The following NIBAN1 variants were observed in gnomAD, a reference collection of about 807,000 sequenced individuals.
NIBAN1 encodes protein Niban 1.
NIBAN1 carries 81 observed loss-of-function variants against 75.1 expected under a neutral mutation model. The ratio of observed to expected loss-of-function variants is 1.08; its 90% CI spans 0.90 to 1.30. The LOEUF is 1.30. Among genes scored for constraint, NIBAN1 ranks in the 50% most tolerant of loss-of-function variants. The pLI is 0.00. For missense variants in NIBAN1, 1,133 were observed against 1,128.1 expected (o/e 1.00, Z -0.06); for synonymous variants, 436 against 424.8 (o/e 1.03, Z -0.32).
chr1:184,869,056 T>C (rs957477397), intron 5 of NIBAN1, among the ~76,000 whole-genome samples: 1 of 152,092 alleles, frequency 6.6e-6, no homozygotes, highest in African/African-American at 2.4e-5. Context: ...ATGTCAGAAA[T>C]GCAAATTCTT....
At chr1:184,803,962 A>G (rs949429573) in intron 11 of NIBAN1, among the ~76,000 whole-genome samples, 1 of 152,224 alleles carries the variant, frequency 6.6e-6, no homozygotes, top group Non-Finnish European at 1.5e-5. Context: ...ATTATAAAGA[A>G]GTTGGGGATA....
chr1:184,877,942 T>C (rs1199779733), intron 5 of NIBAN1, among the ~76,000 whole-genome samples: 3 of 151,956 alleles, frequency 2.0e-5, no homozygotes, highest in Non-Finnish European at 2.9e-5. Context: ...GAACTTTAAC[T>C]CTGCTTATGT....
chr1:184,813,650 T>G (rs1654445002), intron 9 of NIBAN1, among the ~76,000 whole-genome samples: 1 of 152,202 alleles, frequency 6.6e-6, no homozygotes, highest in Non-Finnish European at 1.5e-5. Flanking sequence ...TTTAAGCAAG[T>G]CAGAAAGTCT....
chr1:184,805,861 G>A, intron 11 of NIBAN1, 85 bp downstream of exon 11: 1 of 1,036,392 alleles, frequency 9.6e-7, no homozygotes, highest in East Asian at 2.5e-5. Context: ...GAGCCAAGGA[G>A]AGAACTTGGT....
chr1:184,946,894 A>G (rs901984685), intron 1 of NIBAN1, among the ~76,000 whole-genome samples: 1 of 151,912 alleles, frequency 6.6e-6, no homozygotes, highest in Non-Finnish European at 1.5e-5. Context: ...ACCAACATGG[A>G]GAAACCTTGT....
At chr1:184,937,334 G>A (rs529340377) in intron 1 of NIBAN1, among the ~76,000 whole-genome samples, 2 of 151,716 alleles carry the variant, frequency 1.3e-5, no homozygotes, top group African/African-American at 2.4e-5. Context: ...GCCCTTAGTA[G>A]CTAATCCTAA....
Position 184,893,346 on chromosome 1 carries a change from C to T in NIBAN1, c.318+729G>A, listed in dbSNP as rs577368131. Among the ~76,000 whole-genome samples the T allele has an allele frequency of 1.1e-4, 17 of 152,228 alleles. No individual in the cohort carries two copies. The East Asian group carries it at 3.3e-3, about 29-fold the overall frequency. ...AACCTTTAGTTTGCCAAATTCACTG[C>T]CTGCTATTCTTTCCCCTATACCACA... is the stretch of plus-strand genomic sequence containing the variant. On this transcript the variant is annotated intron_variant, in intron 3 of 13. Coordinates refer to ENST00000367511, the MANE Select transcript of NIBAN1 (RefSeq NM_052966.4).
At position 184,962,854 on chromosome 1, in the gene NIBAN1, T is replaced by A. The variant is rs1034529546; in HGVS notation, c.55+11448A>T. Among the ~76,000 whole-genome samples, 5 of 152,146 alleles carry A rather than the reference T, an allele frequency of 3.3e-5. 1 individual carries two copies. Among genetic ancestry groups the A allele is most frequent in the African/African-American group, 1.2e-4 (5 of 41,422 alleles). On this transcript the variant is annotated intron_variant, in intron 1 of 13. Transcript: ENST00000367511. ...GAAACCAGTAACTTATATTAAACAC[T>A]GGTAAATAAAAGGAAAAAATAATGT...
chr1:184,831,496 G>A (rs906285), intron 6 of NIBAN1, among the ~76,000 whole-genome samples: 92,567 of 151,976 alleles, frequency 0.61, 30,255 homozygotes, highest in Middle Eastern at 0.76. Context: ...CCTAGCTAAA[G>A]CCCTGTCATG....
At chr1:184,886,314 G>A (rs933594058) in intron 4 of NIBAN1, among the ~76,000 whole-genome samples, 9 of 152,108 alleles carry the variant, frequency 5.9e-5, no homozygotes, top group Non-Finnish European at 8.8e-5. Flanking sequence ...ATGGATTCCC[G>A]TGCTGTTCCC....
chr1:184,876,698 A>C (rs1656243461), intron 5 of NIBAN1, among the ~76,000 whole-genome samples: 1 of 152,114 alleles, frequency 6.6e-6, no homozygotes, highest in South Asian at 2.1e-4. Context: ...AAAAAAAAAA[A>C]AGAAATTGAA....
At chr1:184,962,291 A>G (rs569447634) in intron 1 of NIBAN1, among the ~76,000 whole-genome samples, 42 of 152,326 alleles carry the variant, frequency 2.8e-4, no homozygotes, top group Middle Eastern at 6.8e-3. Flanking sequence ...TGATGATGGC[A>G]GTATTTGTAT....
At chr1:184,822,148 C>A (rs1654718757) in intron 8 of NIBAN1, among the ~76,000 whole-genome samples, 1 of 152,206 alleles carries the variant, frequency 6.6e-6, no homozygotes, top group South Asian at 2.1e-4. Context: ...AATCTGAGAA[C>A]TTTCTAGGAA....
chr1:184,828,783 A>G (rs1320815330), intron 6 of NIBAN1, among the ~76,000 whole-genome samples: 2 of 150,238 alleles, frequency 1.3e-5, no homozygotes, highest in Admixed American at 1.3e-4. Flanking sequence ...TTACCAAAAC[A>G]CTTAAATTCT....
At chr1:184,890,589 G>A (rs1396451894) in intron 3 of NIBAN1, among the ~76,000 whole-genome samples, 2 of 152,170 alleles carry the variant, frequency 1.3e-5, no homozygotes, top group South Asian at 4.1e-4. Context: ...CAAAGGTGAC[G>A]ATCACACAAA....
intron 1 of NIBAN1, among the ~76,000 whole-genome samples, chr1:184,901,225 GGTC>G (rs1656947050): frequency 6.6e-6 from 1 of 152,088 alleles, no homozygotes; most frequent in African/African-American, 2.4e-5. Context: ...GGCATTTACT[GGTC>G]ATGTGAGCTT....
At chr1:184,961,783 T>C (rs1444412630) in intron 1 of NIBAN1, among the ~76,000 whole-genome samples, 1 of 152,228 alleles carries the variant, frequency 6.6e-6, no homozygotes, top group African/African-American at 2.4e-5. Context: ...AGGGAAAGTC[T>C]GCTAGTAAGG....
chr1:184,947,354 T>C lies in NIBAN1; in HGVS notation c.55+26948A>G, dbSNP rs528056402. Among the ~76,000 whole-genome samples, 5 of 152,198 alleles carry C rather than the reference T, an allele frequency of 3.3e-5. No individual in the cohort carries two copies. In the South Asian group the frequency reaches 1.0e-3, roughly 32 times the overall value. ...TACACAGAGCAGGCAAATTCATAGA[T>C]GGAAAGTGAAATAGAGGTTACCAGG... On this transcript the variant is annotated intron_variant, in intron 1 of 13. Coordinates refer to ENST00000367511, the MANE Select transcript of NIBAN1 (RefSeq NM_052966.4).
chr1:184,971,904 C>T (rs191294607), intron 1 of NIBAN1, among the ~76,000 whole-genome samples: 6 of 152,270 alleles, frequency 3.9e-5, no homozygotes, highest in Admixed American at 6.5e-5. Context: ...AACTCCTTAA[C>T]GTAGATGATA....
Sources: gnomAD v4.1 joint callset for allele counts (sites outside exome capture counted in the v4.1 genomes callset) on GRCh38, gnomAD v4.1.1 for gene constraint, MANE v1.5 for transcripts, NCBI Gene and HGNC (gene_info 2026-07-23, HGNC 2026-07-21) for gene names.